PTPRD: variants seen among roughly 807,000 people sequenced by gnomAD.
PTPRD encodes receptor-type tyrosine-protein phosphatase delta.
Under a neutral mutation model 214.5 loss-of-function variants are expected in PTPRD, and 34 were observed. The observed-to-expected ratio is 0.16, with a 90% CI of 0.12 to 0.21. The LOEUF (loss-of-function observed/expected upper bound fraction) is 0.21. PTPRD is among the 10% of genes least tolerant of loss of function. PTPRD has a pLI of 1.00. For synonymous variants in PTPRD, 1,128 were observed against 845.7 expected, an observed-to-expected ratio of 1.33 and a Z score of -5.79; for missense variants, 2,545 against 2,398.7, an observed-to-expected ratio of 1.06 and a Z score of -1.27.
chr9:8,695,313 T>C (rs1228209549), intron 12 of PTPRD, among the ~76,000 whole-genome samples: 1 of 152,180 alleles, frequency 6.6e-6, no homozygotes, highest in Non-Finnish European at 1.5e-5. Flanking sequence ...CATGTTTAAG[T>C]GCATCACTTA....
chr9:9,554,590 C>T (rs1054927412), intron 8 of PTPRD, among the ~76,000 whole-genome samples: 26 of 151,958 alleles, frequency 1.7e-4, no homozygotes, highest in African/African-American at 6.0e-4. Context: ...TCCTCTGGCA[C>T]CTGAAGATAT....
chr9:8,838,891 A>C (rs2097498133), intron 11 of PTPRD, among the ~76,000 whole-genome samples: 1 of 152,152 alleles, frequency 6.6e-6, no homozygotes. Flanking sequence ...TCTAATTCTA[A>C]ACATAAAATG....
chr9:10,475,419 T>A (rs1269134478), intron 2 of PTPRD, among the ~76,000 whole-genome samples: 2 of 151,684 alleles, frequency 1.3e-5, no homozygotes, highest in African/African-American at 4.8e-5. Context: ...ACATAAACCC[T>A]CCCAAGACTA....
chr9:10,422,666 A>G (rs1172318484), intron 2 of PTPRD, among the ~76,000 whole-genome samples: 1 of 152,116 alleles, frequency 6.6e-6, no homozygotes, highest in Admixed American at 6.6e-5. Flanking sequence ...ACACTTCTGA[A>G]AAGAAGACAT....
chr9:9,208,079 G>C (rs1270066094), intron 9 of PTPRD, among the ~76,000 whole-genome samples: 1 of 121,058 alleles, frequency 8.3e-6, no homozygotes, highest in Non-Finnish European at 1.6e-5. Context: ...GAGTGCAGTG[G>C]TGCGATCTCA....
intron 37 of PTPRD, among the ~76,000 whole-genome samples, chr9:8,385,073 T>G (rs745416177): frequency 6.6e-6 from 1 of 152,234 alleles, no homozygotes; most frequent in Non-Finnish European, 1.5e-5. Flanking sequence ...TCTTTAGCCA[T>G]GCAAACACTA....
intron 39 of PTPRD, among the ~76,000 whole-genome samples, chr9:8,350,624 A>G (rs1328665229): frequency 1.3e-5 from 2 of 152,176 alleles, no homozygotes; most frequent in African/African-American, 2.4e-5. Flanking sequence ...ATAAGCAGAT[A>G]CTGGGCATCT....
At chr9:9,156,701 A>G (rs901206145) in intron 10 of PTPRD, among the ~76,000 whole-genome samples, 1 of 152,046 alleles carries the variant, frequency 6.6e-6, no homozygotes, top group African/African-American at 2.4e-5. Flanking sequence ...ATCATCCTCT[A>G]TGTGGACCCA....
chr9:8,833,700 CTA>C (rs548684582), intron 11 of PTPRD, among the ~76,000 whole-genome samples: 13,777 of 138,658 alleles, frequency 0.099, 763 homozygotes, highest in Admixed American at 0.15. Flanking sequence ...CTCTCTCTCT[CTA>C]TATATATATA....
intron 11 of PTPRD, among the ~76,000 whole-genome samples, chr9:8,774,571 G>A (rs904834265): frequency 2.3e-5 from 2 of 88,008 alleles, no homozygotes; most frequent in East Asian, 6.3e-4. Context: ...TTTTGCTCTT[G>A]TTGCCCAGGC....
chr9:10,191,684 C>T (rs2099364231), intron 3 of PTPRD, among the ~76,000 whole-genome samples: 2 of 152,142 alleles, frequency 1.3e-5, no homozygotes, highest in Admixed American at 6.6e-5. Context: ...CTTAGTGACC[C>T]TCTCGTTCCA....
At chr9:9,347,694 G>A (rs2049397730) in intron 9 of PTPRD, among the ~76,000 whole-genome samples, 1 of 152,150 alleles carries the variant, frequency 6.6e-6, no homozygotes, top group Admixed American at 6.6e-5. Context: ...GTGAGATTTT[G>A]ATTCATGGTA....
At chr9:9,375,866 A>T (rs1250420154) in intron 9 of PTPRD, among the ~76,000 whole-genome samples, 2 of 152,156 alleles carry the variant, frequency 1.3e-5, no homozygotes, top group Non-Finnish European at 2.9e-5. Flanking sequence ...ATGGATAATG[A>T]TGATGGTTGC....
In PTPRD at chr9:9,730,189, G is replaced by C. The variant is rs114376512; in HGVS notation, c.-287+4344C>G. Among the ~76,000 whole-genome samples, 614 of 152,074 alleles carry C rather than the reference G, an allele frequency of 4.0e-3. 2 individuals carry two copies. Among genetic ancestry groups the C allele is most frequent in the African/African-American group, 0.014 (576 of 41,494 alleles). ...TCTTGGAAAATACAATACTACATTTGAATTAATTTGTATTATTTGAAAGAT... is the reference window on the plus strand; with the variant it reads ...TCTTGGAAAATACAATACTACATTTCAATTAATTTGTATTATTTGAAAGAT... On this transcript the variant is annotated intron_variant, in intron 7 of 45. Transcript: ENST00000381196.
At position 9,775,783 on chromosome 9, in the gene PTPRD, A is replaced by T. The variant is rs181924920; in HGVS notation, c.-367-8932T>A. ...ACGGTGAAACCCAGTCTCTACTGAA[A>T]ATAGAAAACAAACAAACAAAAAAAT... is the stretch of plus-strand genomic sequence containing the variant. On this transcript the variant is annotated intron_variant, in intron 5 of 45. Coordinates refer to ENST00000381196, the MANE Select transcript of PTPRD (RefSeq NM_002839.4). 4.7e-3 allele frequency among the ~76,000 whole-genome samples: 710 copies of T among 152,130 alleles called. 5 individuals are homozygous for T. The highest frequency in any genetic ancestry group is 0.017 in the Middle Eastern group (5 of 294).
At chr9:9,994,046 A>T (rs2096042913) in intron 4 of PTPRD, among the ~76,000 whole-genome samples, 1 of 152,146 alleles carries the variant, frequency 6.6e-6, no homozygotes, top group Non-Finnish European at 1.5e-5. Flanking sequence ...ATTTATCCCC[A>T]TTGTACAAAT....
At chr9:8,685,113 A>G (rs1331595434) in intron 12 of PTPRD, among the ~76,000 whole-genome samples, 1 of 152,194 alleles carries the variant, frequency 6.6e-6, no homozygotes, top group African/African-American at 2.4e-5. Flanking sequence ...GACAGAGCTC[A>G]TAAAAAGACA....
intron 9 of PTPRD, among the ~76,000 whole-genome samples, chr9:9,387,839 A>G (rs892518034): frequency 2.0e-5 from 3 of 152,140 alleles, no homozygotes; most frequent in Non-Finnish European, 2.9e-5. Context: ...TGTGGTAAAA[A>G]TGAATGTTTT....
intron 2 of PTPRD, among the ~76,000 whole-genome samples, chr9:10,440,676 G>A (rs1270414960): frequency 6.6e-6 from 1 of 151,652 alleles, no homozygotes; most frequent in East Asian, 1.9e-4. Context: ...ATCTAGGTTG[G>A]ACAGATCATT....
Sources: allele counts gnomAD v4.1 joint callset (sites outside exome capture counted in the v4.1 genomes callset), GRCh38; gene constraint gnomAD v4.1.1; transcripts MANE v1.5; gene names NCBI Gene and HGNC (gene_info 2026-07-23, HGNC 2026-07-21).